Variants in TMEM243 observed in about 807,000 individuals in gnomAD.
TMEM243 encodes transmembrane protein 243.
TMEM243 carries 20 observed loss-of-function variants against 15.0 expected under a neutral mutation model. That is an observed-to-expected ratio of 1.33 (90% CI 0.94 to 1.93). The LOEUF (loss-of-function observed/expected upper bound fraction) is 1.93. Ranked by LOEUF, TMEM243 falls within the 30% of genes most tolerant of loss-of-function variation. The pLI, the probability that TMEM243 is intolerant of heterozygous loss-of-function variation, is 0.00. For synonymous variants in TMEM243, 72 were observed against 52.7 expected, an observed-to-expected ratio of 1.37 and a Z score of -1.59; for missense variants, 156 against 142.1, an observed-to-expected ratio of 1.10 and a Z score of -0.50.
intron 1 of TMEM243, among the ~76,000 whole-genome samples, chr7:87,199,890 T>C (rs1801655356): frequency 6.6e-6 from 1 of 152,212 alleles, no homozygotes; most frequent in African/African-American, 2.4e-5. Flanking sequence ...TAAAGTATGA[T>C]AGTGACATGC....
At chr7:87,198,728 G>A (rs1801565499) in intron 2 of TMEM243, 1 of 469,056 alleles carries the variant, frequency 2.1e-6, no homozygotes, top group Non-Finnish European at 3.8e-6. Context: ...GTAGATGACA[G>A]AAGGAAGTGG....
intron 1 of TMEM243, among the ~76,000 whole-genome samples, chr7:87,214,041 A>T (rs2129238115): frequency 6.6e-6 from 1 of 152,332 alleles, no homozygotes; most frequent in Non-Finnish European, 1.5e-5. Context: ...ATCAGTGACC[A>T]CCCACAGAGT....
chr7:87,219,264 G>A (rs1452321295), intron 1 of TMEM243, among the ~76,000 whole-genome samples, 162 bp downstream of exon 1: 1 of 152,182 alleles, frequency 6.6e-6, no homozygotes, highest in African/African-American at 2.4e-5. Context: ...AGCAGGCGAC[G>A]ATTGGCCGGG....
chr7:87,219,563 GTC>G lies in TMEM243; in HGVS notation c.-62_-61del. 6.7e-7 allele frequency: 1 copy of G among 1,492,826 alleles called. No individual in the cohort carries two copies. Among genetic ancestry groups the G allele is most frequent in the Non-Finnish European group, 9.3e-7 (1 of 1,073,528 alleles). 92.5% of individuals were successfully genotyped at this position (1,492,826 alleles called of 1,614,324 possible). On this transcript the variant is annotated 5_prime_UTR_variant, in exon 1 of 4. Transcript: ENST00000257637. ...AAGCAAGACAGCATGACCTCCCGAGGTCTCAGGTCCACGACTGCAAGCCTCCT... is the reference window on the plus strand; with the variant it reads ...AAGCAAGACAGCATGACCTCCCGAGGTCAGGTCCACGACTGCAAGCCTCCT...
In TMEM243 at chr7:87,210,803, C is replaced by G. The variant is rs186457616; in HGVS notation, c.78+8623G>C. ...CATACAATGCAATCCATAACGGCTC[C>G]CCCTTGCAGCAGACTTCTGGACATC... On this transcript the variant is annotated intron_variant, in intron 1 of 3. Transcript: ENST00000257637. Among the ~76,000 whole-genome samples, 47 of 152,342 alleles carry G rather than the reference C, an allele frequency of 3.1e-4. No individual in the cohort carries two copies. The East Asian group carries it at 8.7e-3, about 28-fold the overall frequency.
intron 1 of TMEM243, among the ~76,000 whole-genome samples, chr7:87,209,676 G>A (rs550955139): frequency 7.5e-6 from 1 of 134,114 alleles, no homozygotes; most frequent in African/African-American, 2.7e-5. Context: ...GAGAGCGAGA[G>A]CGAGACACAG....
chr7:87,198,797 C>T, intron 2 of TMEM243: 1 of 481,416 alleles, frequency 2.1e-6, no homozygotes, highest in Non-Finnish European at 3.6e-6. Flanking sequence ...ACTCAATTAT[C>T]TTAAAACGAA....
chr7:87,199,969 T>C (rs1324482455), intron 1 of TMEM243, among the ~76,000 whole-genome samples: 8 of 152,122 alleles, frequency 5.3e-5, no homozygotes, highest in Non-Finnish European at 1.5e-5. Context: ...GTTTTGATAA[T>C]GGTCTGAGCA....
intron 1 of TMEM243, among the ~76,000 whole-genome samples, chr7:87,206,525 A>C (rs770004928): frequency 2.6e-5 from 4 of 152,174 alleles, no homozygotes; most frequent in Non-Finnish European, 4.4e-5. Flanking sequence ...CCCTATACAT[A>C]CTGTTTTTTC....
chr7:87,215,039 C>G (rs770326712), intron 1 of TMEM243, among the ~76,000 whole-genome samples: 1 of 152,172 alleles, frequency 6.6e-6, no homozygotes, highest in South Asian at 2.1e-4. Flanking sequence ...TTTGGGACAT[C>G]GCCTGTACTA....
chr7:87,216,017 T>C (rs371900989), intron 1 of TMEM243, among the ~76,000 whole-genome samples: 1 of 152,000 alleles, frequency 6.6e-6, no homozygotes, highest in Non-Finnish European at 1.5e-5. Flanking sequence ...ACGCCTGTAA[T>C]CCCAGCACTT....
At chr7:87,212,292 G>A (rs1802809545) in intron 1 of TMEM243, among the ~76,000 whole-genome samples, 1 of 152,078 alleles carries the variant, frequency 6.6e-6, no homozygotes, top group South Asian at 2.1e-4. Context: ...TCACACCCTG[G>A]CCCCAATTTC....
intron 1 of TMEM243, among the ~76,000 whole-genome samples, chr7:87,209,290 A>C (rs969435716): frequency 2.8e-5 from 4 of 141,620 alleles, no homozygotes; most frequent in Admixed American, 1.4e-4. Context: ...TACATATTAC[A>C]TGGCAGCATG....
At chr7:87,203,519 G>A (rs538389852) in intron 1 of TMEM243, among the ~76,000 whole-genome samples, 2 of 152,134 alleles carry the variant, frequency 1.3e-5, no homozygotes, top group East Asian at 1.9e-4. Flanking sequence ...GGAGGCTGAG[G>A]TGGGAGGATC....
At chr7:87,209,914 G>A (rs1469783263) in intron 1 of TMEM243, among the ~76,000 whole-genome samples, 1 of 140,388 alleles carries the variant, frequency 7.1e-6, no homozygotes, top group Non-Finnish European at 1.5e-5. Context: ...GAGAGACAGA[G>A]AGAGAGGACA....
At position 87,200,963 on chromosome 7, in the gene TMEM243, C is replaced by G. The variant is rs969432314; in HGVS notation, c.79-1906G>C. Among the ~76,000 whole-genome samples the G allele has an allele frequency of 1.2e-4, 19 of 152,282 alleles. No homozygotes were observed. The East Asian group carries it at 1.5e-3, about 12-fold the overall frequency. ...GATTTCCTCATGGGTGACTTTGTTC[C>G]ACATTTTTGGATTTCTCCATATAAC... On this transcript the variant is annotated intron_variant, in intron 1 of 3. Coordinates refer to ENST00000257637, the MANE Select transcript of TMEM243 (RefSeq NM_024315.4).
chr7:87,212,060 T>C (rs1020595551), intron 1 of TMEM243, among the ~76,000 whole-genome samples: 5 of 152,196 alleles, frequency 3.3e-5, no homozygotes, highest in African/African-American at 9.7e-5. Flanking sequence ...AGTTACAACT[T>C]TTAAGCCTTA....
At chr7:87,219,214 C>G (rs1203921360) in intron 1 of TMEM243, among the ~76,000 whole-genome samples, 3 of 152,188 alleles carry the variant, frequency 2.0e-5, no homozygotes, top group African/African-American at 7.2e-5. Flanking sequence ...GAACTTTTCT[C>G]CACTCCAGCC....
chr7:87,202,774 C>T lies in TMEM243; in HGVS notation c.79-3717G>A, dbSNP rs1287955608. 3.9e-5 allele frequency among the ~76,000 whole-genome samples: 6 copies of T among 152,300 alleles called. No individual in the cohort carries two copies. In the East Asian group the frequency reaches 1.2e-3, roughly 29 times the overall value. ...AACCAAGGTTCTCATCTCATTCTGC[C>T]ACTAGCTAGCTTCGTAACCTCAAAA... On this transcript the variant is annotated intron_variant, in intron 1 of 3. Coordinates refer to ENST00000257637, the MANE Select transcript of TMEM243 (RefSeq NM_024315.4).
Sources: gnomAD v4.1 joint callset for allele counts (sites outside exome capture counted in the v4.1 genomes callset) on GRCh38, gnomAD v4.1.1 for gene constraint, MANE v1.5 for transcripts, NCBI Gene and HGNC (gene_info 2026-07-23, HGNC 2026-07-21) for gene names.